Variants in PHKA1 observed in about 807,000 individuals in gnomAD.
PHKA1 encodes phosphorylase kinase regulatory subunit alpha 1.
PHKA1 carries 60 observed loss-of-function variants against 110.2 expected under a neutral mutation model. That is an observed-to-expected ratio of 0.54 (90% CI 0.44 to 0.68). The LOEUF (loss-of-function observed/expected upper bound fraction) is 0.68, where lower values mean the gene tolerates loss of function less well. Ranked by LOEUF, PHKA1 falls within the 30% of genes least tolerant of loss-of-function variation. PHKA1 has a pLI of 0.00. For missense variants in PHKA1, 801 were observed against 942.5 expected, an observed-to-expected ratio of 0.85 and a Z score of 1.97; for synonymous variants, 316 against 333.6, an observed-to-expected ratio of 0.95 and a Z score of 0.58.
At chrX:72,619,013 C>G (rs1463259892) in intron 20 of PHKA1, among the ~76,000 whole-genome samples, 164 bp from the exon 21 acceptor site, 2 of 111,980 alleles carry the variant, frequency 1.8e-5, no homozygotes, top group Non-Finnish European at 3.8e-5. Flanking sequence ...ATGTATAATA[C>G]AGCAATCTAG....
chrX:72,587,866 T>C (rs1207184990), intron 29 of PHKA1, among the ~76,000 whole-genome samples: 2 of 112,003 alleles, frequency 1.8e-5, no homozygotes, highest in African/African-American at 6.5e-5. Flanking sequence ...AAGGGATCAA[T>C]TCAACAAGAA....
chrX:72,603,320 A>T (rs1385796125), intron 25 of PHKA1, 100 bp from the exon 26 acceptor site: 6 of 531,748 alleles, frequency 1.1e-5, no homozygotes, highest in African/African-American at 6.9e-5. Context: ...TTTCTGAGTC[A>T]CTTGATTGGA....
chrX:72,668,750 T>C (rs1370634656), intron 6 of PHKA1, among the ~76,000 whole-genome samples: 1 of 111,542 alleles, frequency 9.0e-6, no homozygotes, highest in African/African-American at 3.3e-5. Context: ...ACCAAACTCA[T>C]GTCCTTCTCA....
At chrX:72,596,399 A>G (rs1200262993) in intron 28 of PHKA1, among the ~76,000 whole-genome samples, 1 of 111,626 alleles carries the variant, frequency 9.0e-6, no homozygotes, top group Non-Finnish European at 1.9e-5. Flanking sequence ...ATAGTTAATG[A>G]TACTATATTG....
rs1556204045 is a variant in PHKA1 at position 72,582,498 on chromosome X, A to C, written c.3398T>G (p.Val1133Gly). The C allele has an allele frequency of 8.3e-7, 1 of 1,200,773 alleles. No individual in the cohort carries two copies. Among genetic ancestry groups the C allele is most frequent in the Non-Finnish European group, 1.1e-6 (1 of 886,605 alleles). Residue 1133 changes from valine to glycine, a missense_variant, in exon 31 of 32, where the codon GTC (valine) becomes GGC (glycine). Transcript: ENST00000373542. ...TTCAATATCTGCCAGCATGGTGAGGACAAGGATGGCTTCAACCAGCAGCTG... is the reference window on the plus strand; with the variant it reads ...TTCAATATCTGCCAGCATGGTGAGGCCAAGGATGGCTTCAACCAGCAGCTG... ...YRQLLVEAIL[V>G]LTMLADIEIH...
chrX:72,669,171 T>C, intron 6 of PHKA1, among the ~76,000 whole-genome samples: 3 of 110,878 alleles, frequency 2.7e-5, no homozygotes, highest in East Asian at 5.7e-4. Context: ...CAGGCAGACC[T>C]TGCATGCTGC....
At chrX:72,586,901 G>A (rs1218868312) in intron 29 of PHKA1, among the ~76,000 whole-genome samples, 1 of 110,402 alleles carries the variant, frequency 9.1e-6, no homozygotes, top group Non-Finnish European at 1.9e-5. Context: ...AAAAAGAAAC[G>A]AACAAAGCCT....
At position 72,602,253 on chromosome X, in the gene PHKA1, C is replaced by T. The variant is rs142501612; in HGVS notation, c.2938G>A (p.Val980Ile). ...TCGTGGATAGAAATAGCAGGACTGA[C>T]ATTTGAATCAGTGGGACGAACTATG... is the stretch of plus-strand genomic sequence containing the variant. Reference protein sequence around the residue: ...ERSVRPTDSNVSPAISIHEIG... With the variant: ...ERSVRPTDSNISPAISIHEIG... The change falls in exon 27 of 32, where the codon GTC (valine) becomes ATC (isoleucine). Residue 980 changes from valine (V) to isoleucine (I), a missense_variant. Physicochemically the swap from Val to Ile is conservative, Grantham distance 29 (BLOSUM62 3). Around this residue, in one of 2 missense-constraint regions of PHKA1, gnomAD observed 502 missense variants for 519.2 expected, o/e 0.97. Transcript: ENST00000373542. The T allele has an allele frequency of 1.3e-5, 15 of 1,179,147 alleles. No homozygotes were observed. The African/African-American group carries it at 1.9e-4, about 15-fold the overall frequency.
intron 14 of PHKA1, among the ~76,000 whole-genome samples, chrX:72,638,663 T>C (rs782038207): frequency 2.7e-5 from 3 of 111,355 alleles, no homozygotes; most frequent in Non-Finnish European, 5.7e-5. Flanking sequence ...AGGATTTGTA[T>C]TTGAGGCTTT....
chrX:72,604,834 A>T (rs1316087720), intron 25 of PHKA1, among the ~76,000 whole-genome samples: 1 of 111,757 alleles, frequency 8.9e-6, no homozygotes, highest in Non-Finnish European at 1.9e-5. Flanking sequence ...GATAGATGTT[A>T]ATGAAAATGT....
chrX:72,658,622 C>T (rs1283701739), intron 8 of PHKA1, among the ~76,000 whole-genome samples: 1 of 111,416 alleles, frequency 9.0e-6, no homozygotes, highest in African/African-American at 3.3e-5. Flanking sequence ...TATGACAGTT[C>T]CTCAGTCCTT....
Position 72,626,952 on chromosome X carries a change from G to C in PHKA1, c.1793+19C>G. On this transcript the variant is annotated intron_variant, in intron 17 of 31. Transcript: ENST00000373542. ...TAATTTCATTTCATTTCACTAAAGA[G>C]TGTATAGAGGTCACTTACCTTGCCC... 8.8e-7 allele frequency: 1 copy of C among 1,137,675 alleles called. No individual in the cohort carries two copies. The highest frequency in any genetic ancestry group is 1.2e-6 in the Non-Finnish European group (1 of 828,004). 93.8% of individuals were successfully genotyped at this position (1,137,675 alleles called of 1,213,427 possible). A position where few individuals can be genotyped will look rare whatever the true frequency, so the allele number is the denominator to read the frequency against.
At chrX:72,641,063 C>T (rs1368551811) in intron 14 of PHKA1, among the ~76,000 whole-genome samples, 1 of 111,094 alleles carries the variant, frequency 9.0e-6, no homozygotes, top group Non-Finnish European at 1.9e-5. Context: ...GTACAGGTCC[C>T]TGGGAATTAA....
In PHKA1 at chrX:72,627,053, G is replaced by A; in HGVS notation, c.1715-4C>T. 8.5e-7 allele frequency: 1 copy of A among 1,180,204 alleles called. No individual in the cohort carries two copies. The highest frequency in any genetic ancestry group is 1.2e-6 in the Non-Finnish European group (1 of 867,073). On this transcript the variant is annotated splice_region_variant and splice_polypyrimidine_tract_variant and intron_variant, in intron 16 of 31. Coordinates refer to ENST00000373542, the MANE Select transcript of PHKA1 (RefSeq NM_002637.4). ...TTCAAGCTTGTTCCATCTTCATCTT[G>A]AAATGAACAGAATTTTAAAACAATC...
intron 29 of PHKA1, among the ~76,000 whole-genome samples, chrX:72,586,833 T>C (rs2052438828): frequency 1.8e-5 from 2 of 109,509 alleles, no homozygotes; most frequent in Admixed American, 9.9e-5. Context: ...AGGATATCAG[T>C]GACTGAAGAC....
intron 10 of PHKA1, 31 bp downstream of exon 10, chrX:72,656,089 T>G: frequency 8.3e-7 from 1 of 1,206,064 alleles, no homozygotes; most frequent in Non-Finnish European, 1.1e-6. Flanking sequence ...ACAAAAACAT[T>G]CTGCTGAAAA....
At chrX:72,591,040 G>A (rs782711992) in intron 29 of PHKA1, among the ~76,000 whole-genome samples, 1 of 111,770 alleles carries the variant, frequency 8.9e-6, no homozygotes, top group African/African-American at 3.2e-5. Flanking sequence ...AATACCATTC[G>A]ACCCAGCAAT....
chrX:72,626,276 A>T (rs2053066609), intron 17 of PHKA1, among the ~76,000 whole-genome samples: 1 of 110,131 alleles, frequency 9.1e-6, no homozygotes, highest in African/African-American at 3.3e-5. Context: ...GAAAGGGTAT[A>T]TGGGTGTTCA....
intron 21 of PHKA1, among the ~76,000 whole-genome samples, chrX:72,613,776 AG>A (rs1372014749): frequency 8.9e-6 from 1 of 112,227 alleles, no homozygotes; most frequent in African/African-American, 3.2e-5. Context: ...TTACAGTATC[AG>A]CAATGGGACT....
Sources: gnomAD v4.1 joint callset for allele counts (sites outside exome capture counted in the v4.1 genomes callset) on GRCh38, gnomAD v4.1.1 for gene constraint, gnomAD v4.1.1 regional missense constraint, MANE v1.5 for transcripts, NCBI Gene and HGNC (gene_info 2026-07-23, HGNC 2026-07-21) for gene names.